The following ERBB4 variants were observed in gnomAD, a reference collection of about 807,000 sequenced individuals.
ERBB4 encodes the protein receptor tyrosine-protein kinase erbB-4.
Under a neutral mutation model 158.0 loss-of-function variants are expected in ERBB4, and 42 were observed. The ratio of observed to expected loss-of-function variants is 0.27; its 90% CI spans 0.21 to 0.34. The LOEUF is 0.34. Among genes scored for constraint, ERBB4 ranks in the 10% least tolerant of loss-of-function variants. ERBB4 has a pLI of 1.00. For synonymous variants in ERBB4, 583 were observed against 558.7 expected, an observed-to-expected ratio of 1.04 and a Z score of -0.61; for missense variants, 1,333 against 1,624.1, an observed-to-expected ratio of 0.82 and a Z score of 3.08.
Position 211,479,652 on chromosome 2 carries a change from C to T in ERBB4, c.2488-48552G>A, listed in dbSNP as rs77370623. On this transcript the variant is annotated intron_variant, in intron 20 of 27. Coordinates refer to ENST00000342788, the MANE Select transcript of ERBB4 (RefSeq NM_005235.3). ...ATCTATCGGCACAGGAACTGGCAAA[C>T]GTAACAGAAGGCTTTCTTTTGGTGC... Among the ~76,000 whole-genome samples the T allele has an allele frequency of 3.0e-3, 457 of 152,148 alleles. 9 individuals are homozygous for T. In the East Asian group the frequency reaches 0.06, roughly 20 times the overall value.
intron 1 of ERBB4, among the ~76,000 whole-genome samples, chr2:212,337,583 T>C (rs1269854346): frequency 6.6e-6 from 1 of 152,076 alleles, no homozygotes; most frequent in African/African-American, 2.4e-5. Context: ...AATTGCTCAT[T>C]CCATGCTCAC....
intron 5 of ERBB4, among the ~76,000 whole-genome samples, chr2:211,732,602 C>G (rs1018881775): frequency 6.6e-6 from 1 of 152,166 alleles, no homozygotes; most frequent in African/African-American, 2.4e-5. Flanking sequence ...TGTCATTCCC[C>G]TGGAAAACAT....
intron 14 of ERBB4, among the ~76,000 whole-genome samples, chr2:211,671,999 A>C (rs769345377): frequency 2.0e-5 from 3 of 152,108 alleles, no homozygotes; most frequent in Non-Finnish European, 2.9e-5. Flanking sequence ...ACCAAGCAAC[A>C]CCACTTCTTT....
rs1200306245 is a variant in ERBB4 at position 211,580,815 on chromosome 2, ATATATATAT to A, written c.2302-18736_2302-18728del. On this transcript the variant is annotated intron_variant, in intron 19 of 27. Transcript: ENST00000342788. ...ATATATATATATATATATATATAAT[ATATATATAT>A]TATATATATAGATTATATATTATAT... Among the ~76,000 whole-genome samples, 13 of 45,878 alleles carry A rather than the reference ATATATATAT, an allele frequency of 2.8e-4. 3 individuals carry two copies. The South Asian group carries it at 5.8e-3, about 20-fold the overall frequency. The allele number at this position is 45,878 out of a possible 152,430, so 30.1% of individuals were successfully genotyped here.
intron 12 of ERBB4, among the ~76,000 whole-genome samples, chr2:211,695,577 A>G (rs1319620668): frequency 6.6e-6 from 1 of 152,162 alleles, no homozygotes; most frequent in Non-Finnish European, 1.5e-5. Context: ...TCAAACATAT[A>G]CTTTTTATCT....
At chr2:211,931,786 A>G (rs1011876891) in intron 3 of ERBB4, among the ~76,000 whole-genome samples, 2 of 152,070 alleles carry the variant, frequency 1.3e-5, no homozygotes, top group African/African-American at 4.8e-5. Flanking sequence ...AGAACCAATA[A>G]AGAACACGTT....
At chr2:212,479,090 G>A (rs192503868) in intron 1 of ERBB4, among the ~76,000 whole-genome samples, 1 of 152,200 alleles carries the variant, frequency 6.6e-6, no homozygotes, top group East Asian at 1.9e-4. Context: ...TTAAAATCTG[G>A]AACCAGAATG....
intron 1 of ERBB4, among the ~76,000 whole-genome samples, chr2:212,248,381 G>A (rs2084390953): frequency 6.6e-6 from 1 of 152,122 alleles, no homozygotes; most frequent in Non-Finnish European, 1.5e-5. Context: ...TCTGACAACA[G>A]GTAAGTGTTC....
At chr2:211,514,440 A>G (rs1049207913) in intron 20 of ERBB4, among the ~76,000 whole-genome samples, 1 of 152,134 alleles carries the variant, frequency 6.6e-6, no homozygotes, top group Non-Finnish European at 1.5e-5. Flanking sequence ...AACTTTTAAT[A>G]TTGAGCACAT....
chr2:211,893,973 C>G (rs1270189551), intron 3 of ERBB4, among the ~76,000 whole-genome samples: 5 of 140,678 alleles, frequency 3.6e-5, no homozygotes, highest in Admixed American at 7.2e-5. Flanking sequence ...GGACTGTAAA[C>G]TAGTTCAACC....
chr2:211,460,066 A>G (rs1355986580), intron 20 of ERBB4, among the ~76,000 whole-genome samples: 1 of 138,830 alleles, frequency 7.2e-6, no homozygotes, highest in African/African-American at 2.5e-5. Context: ...AATCTCCATA[A>G]TAACCACCTT....
chr2:211,553,259 A>T (rs1337511695), intron 20 of ERBB4, among the ~76,000 whole-genome samples: 1 of 152,050 alleles, frequency 6.6e-6, no homozygotes, highest in Non-Finnish European at 1.5e-5. Flanking sequence ...ATGAGCCACC[A>T]CGCCCAGCCC....
chr2:211,532,374 C>T (rs1165151245), intron 20 of ERBB4, among the ~76,000 whole-genome samples: 3 of 151,896 alleles, frequency 2.0e-5, no homozygotes, highest in African/African-American at 2.4e-5. Flanking sequence ...CATTGCATAC[C>T]TGTATTGAAA....
chr2:212,061,089 GAGA>G (rs1391282777), intron 2 of ERBB4, among the ~76,000 whole-genome samples: 2 of 151,978 alleles, frequency 1.3e-5, no homozygotes, highest in East Asian at 1.9e-4. Context: ...GGAGTGAAAA[GAGA>G]AGTCACAGGT....
chr2:212,244,566 A>G (rs1574507570), intron 1 of ERBB4, among the ~76,000 whole-genome samples: 2 of 152,172 alleles, frequency 1.3e-5, no homozygotes, highest in Non-Finnish European at 1.5e-5. Flanking sequence ...ATAAAGAGAG[A>G]CGTCTAGGAG....
rs1002236886 is a variant in ERBB4 at position 212,503,797 on chromosome 2, G to C, written c.82+34652C>G. Among the ~76,000 whole-genome samples the C allele has an allele frequency of 2.0e-5, 3 of 152,132 alleles. No homozygotes were observed. In the South Asian group the frequency reaches 6.2e-4, roughly 31 times the overall value. The stretch of plus-strand genomic sequence containing the variant: ...TAGCTTACTTTGTGGTATTTACCAC[G>C]GGTGTTTTTGAATTTTTGAAGGTCC... On this transcript the variant is annotated intron_variant, in intron 1 of 27. Transcript: ENST00000342788.
rs1417604936 is a variant in ERBB4, at chr2:211,750,733, A to G, written c.557-29T>C. On this transcript the variant is annotated intron_variant, in intron 4 of 27. Transcript: ENST00000342788. ...CAGAACACGAAAAGGGAAAAAGGAC[A>G]TGCACGTTATAATCTTTCACTCCTT... 5.7e-6 allele frequency: 9 copies of G among 1,590,496 alleles called. No individual in the cohort carries two copies. The African/African-American group carries it at 9.4e-5, about 17-fold the overall frequency.
chr2:212,219,657 C>T (rs1010354124), intron 1 of ERBB4, among the ~76,000 whole-genome samples: 1 of 151,148 alleles, frequency 6.6e-6, no homozygotes, highest in African/African-American at 2.4e-5. Context: ...TCCCTAGAAG[C>T]TAGAAAGAGC....
chr2:212,104,638 G>T (rs771034467), intron 2 of ERBB4, among the ~76,000 whole-genome samples: 2 of 152,006 alleles, frequency 1.3e-5, no homozygotes, highest in Admixed American at 6.6e-5. Context: ...AGTTCATTCA[G>T]CTAATAAGTG....
Sources: allele counts gnomAD v4.1 joint callset (sites outside exome capture counted in the v4.1 genomes callset), GRCh38; gene constraint gnomAD v4.1.1; transcripts MANE v1.5; gene names NCBI Gene and HGNC (gene_info 2026-07-23, HGNC 2026-07-21).